MYO3A: variants seen among roughly 807,000 people sequenced by gnomAD.
The protein encoded by MYO3A is myosin IIIA, also known as myosin-IIIa.
A neutral mutation model predicts 192.7 loss-of-function variants in MYO3A; 180 were observed. The ratio of observed to expected loss-of-function variants is 0.93; its 90% CI spans 0.83 to 1.06. The LOEUF (loss-of-function observed/expected upper bound fraction) is 1.06. Among genes scored for constraint, MYO3A ranks in the 50% least tolerant of loss-of-function variants. The pLI is 0.00. For missense variants in MYO3A, 1,896 were observed against 1,905.0 expected (o/e 1.00, Z 0.09); for synonymous variants, 628 against 645.3 (o/e 0.97, Z 0.41).
intron 6 of MYO3A, among the ~76,000 whole-genome samples, chr10:25,999,120 G>A (rs1840628510): frequency 1.3e-5 from 2 of 151,960 alleles, no homozygotes; most frequent in Admixed American, 6.6e-5. Flanking sequence ...GGATGGTCTC[G>A]ATCTCCTGAC....
chr10:26,012,625 T>C (rs1841737405), intron 6 of MYO3A, among the ~76,000 whole-genome samples: 1 of 152,174 alleles, frequency 6.6e-6, no homozygotes, highest in South Asian at 2.1e-4. Flanking sequence ...CCCATCCTCA[T>C]GGATTGGAAG....
rs754117366 is a variant in MYO3A at position 26,173,828 on chromosome 10, T to C, written c.3564T>C (p.Thr1188=). 6.2e-7 allele frequency: 1 copy of C among 1,613,894 alleles called. No individual in the cohort carries two copies. The highest frequency in any genetic ancestry group is 1.1e-5 in the South Asian group (1 of 91,086). The change falls in exon 30 of 35, where the codon ACT becomes ACC. Residue 1188 remains threonine (T), a synonymous_variant. Coordinates refer to ENST00000642920, the MANE Select transcript of MYO3A (RefSeq NM_017433.5). ...AGAGTAACAACAGAGTGTATCAGAC[T>C]CCAAAAAAAATGAATAATGTGTATG... ...AVESNNRVYQ[T]PKKMNNVYEE...
intron 31 of MYO3A, among the ~76,000 whole-genome samples, chr10:26,177,276 C>T (rs1203576273): frequency 6.6e-6 from 1 of 152,096 alleles, no homozygotes; most frequent in Non-Finnish European, 1.5e-5. Flanking sequence ...TGTTATTGAA[C>T]TTTTTTCTAG....
Position 26,072,076 on chromosome 10 carries a change from GAGA to G in MYO3A, c.1359+1678_1359+1680del, listed in dbSNP as rs375897690. On this transcript the variant is annotated intron_variant, in intron 14 of 34. Transcript: ENST00000642920. ...ATGGCAGCAGGAGAGAGAACAGTGAGAGAAGGAGGAACTTGCCCAACACTTATG... is the reference window on the plus strand; with the variant it reads ...ATGGCAGCAGGAGAGAGAACAGTGAGAGGAGGAACTTGCCCAACACTTATG... Among the ~76,000 whole-genome samples the G allele has an allele frequency of 1.9e-4, 29 of 152,228 alleles. No homozygotes were observed. The East Asian group carries it at 3.7e-3, about 19-fold the overall frequency.
rs1840407120 is a variant in MYO3A at position 26,145,471 on chromosome 10, A to C, written c.2442A>C (p.Ser814=). The change falls in exon 22 of 35, where the codon TCA becomes TCC. Residue 814 remains serine (S), a synonymous_variant. Coordinates refer to ENST00000642920, the MANE Select transcript of MYO3A (RefSeq NM_017433.5). ...LVEKFEGNLK[S]QYFWRPKRME... ...AAAAATTTGAAGGTAACCTGAAATC[A>C]CAATACTTCTGGAGACCCAAAAGAA... 1.2e-6 allele frequency: 2 copies of C among 1,609,050 alleles called. No homozygotes were observed. Among genetic ancestry groups the C allele is most frequent in the Non-Finnish European group, 8.5e-7 (1 of 1,175,432 alleles).
chr10:26,199,998 T>TAA (rs1843609740), intron 32 of MYO3A, among the ~76,000 whole-genome samples: 2 of 152,184 alleles, frequency 1.3e-5, no homozygotes, highest in African/African-American at 4.8e-5. Context: ...GTGGCCACTG[T>TAA]TCCTATGCAG....
At chr10:26,004,656 C>T (rs1189447594) in intron 6 of MYO3A, among the ~76,000 whole-genome samples, 1 of 151,966 alleles carries the variant, frequency 6.6e-6, no homozygotes, top group Non-Finnish European at 1.5e-5. Flanking sequence ...ACTTACTGTG[C>T]CCTCCAAATA....
chr10:26,118,354 G>C (rs1479056443), intron 17 of MYO3A, among the ~76,000 whole-genome samples: 1 of 152,140 alleles, frequency 6.6e-6, no homozygotes, highest in Non-Finnish European at 1.5e-5. Flanking sequence ...TTAGAAAAAT[G>C]ATCTACATCT....
At chr10:26,047,855 G>A (rs552294815) in intron 10 of MYO3A, among the ~76,000 whole-genome samples, 25 of 151,930 alleles carry the variant, frequency 1.6e-4, no homozygotes, top group South Asian at 6.2e-4. Context: ...ATAGGAGGCC[G>A]GACACTGAGT....
In MYO3A at chr10:26,174,031, C is replaced by T; in HGVS notation, c.3767C>T (p.Ala1256Val). 6.2e-7 allele frequency: 1 copy of T among 1,613,122 alleles called. No individual in the cohort carries two copies. Among genetic ancestry groups the T allele is most frequent in the East Asian group, 2.2e-5 (1 of 44,872 alleles). ...AGGAATTGTGAAGAGTCAAAAGCAG[C>T]ATATCTAGAAAGGAAGGCCATATCA... ...EERNCEESKA[A>V]YLERKAISER... Residue 1256 changes from alanine (A) to valine (V), a missense_variant, in exon 30 of 35, where the codon GCA (alanine) becomes GTA (valine). By Grantham distance (64) the Ala-to-Val change is moderately conservative. Transcript: ENST00000642920.
chr10:26,086,983 G>GGT (rs955559220), intron 14 of MYO3A, among the ~76,000 whole-genome samples: 6 of 112,026 alleles, frequency 5.4e-5, no homozygotes, highest in Non-Finnish European at 8.7e-5. Context: ...ATTGGGGATA[G>GGT]GTATATATAT....
At position 26,125,459 on chromosome 10, in the gene MYO3A, G is replaced by A. The variant is rs923064110; in HGVS notation, c.1965G>A (p.Val655=). The change falls in exon 19 of 35, where the codon GTG becomes GTA. Residue 655 remains valine, a synonymous_variant. Transcript: ENST00000642920. ...AAGAAGCTCTCACCTCCCACTGTGT[G>A]GTCACTAGAGGAGAAACAATTATAC... ...ELQEALTSHC[V]VTRGETIIRP... The A allele has an allele frequency of 6.2e-7, 1 of 1,613,862 alleles. No homozygotes were observed. Among genetic ancestry groups the A allele is most frequent in the Non-Finnish European group, 8.5e-7 (1 of 1,179,936 alleles).
At chr10:26,176,439 G>A (rs1402183417) in intron 30 of MYO3A, among the ~76,000 whole-genome samples, 3 of 152,180 alleles carry the variant, frequency 2.0e-5, no homozygotes, top group Non-Finnish European at 2.9e-5. Context: ...GGAAGGAGTC[G>A]ATCAGAACAG....
intron 18 of MYO3A, among the ~76,000 whole-genome samples, chr10:26,121,790 A>T (rs1276609891): frequency 6.6e-6 from 1 of 152,076 alleles, no homozygotes; most frequent in Non-Finnish European, 1.5e-5. Flanking sequence ...CATGATACAA[A>T]TTTTTATTTA....
At chr10:26,145,383 T>A in intron 21 of MYO3A, 63 bp from the exon 22 acceptor site, 2 of 1,141,018 alleles carry the variant, frequency 1.8e-6, no homozygotes, top group Non-Finnish European at 2.7e-6. Context: ...GGTAAATAAT[T>A]TTCGCAGTAT....
chr10:26,071,575 C>T (rs1564519547), intron 14 of MYO3A, among the ~76,000 whole-genome samples: 1 of 151,852 alleles, frequency 6.6e-6, no homozygotes, highest in Non-Finnish European at 1.5e-5. Context: ...GACACTGTTA[C>T]AAAAATGAAA....
chr10:25,988,960 T>TA (rs1554795793), intron 4 of MYO3A, among the ~76,000 whole-genome samples: 20 of 131,376 alleles, frequency 1.5e-4, no homozygotes, highest in Non-Finnish European at 2.8e-4. Flanking sequence ...TTTTTTTTTT[T>TA]ACTTTTTTTT....
chr10:26,197,684 C>T (rs994695310), intron 32 of MYO3A, among the ~76,000 whole-genome samples: 16 of 152,196 alleles, frequency 1.1e-4, no homozygotes, highest in African/African-American at 3.4e-4. Context: ...CTGCCTTAGC[C>T]TCCCAAGTAG....
chr10:26,136,254 T>C (rs992974813), intron 20 of MYO3A, among the ~76,000 whole-genome samples: 1 of 152,202 alleles, frequency 6.6e-6, no homozygotes, highest in African/African-American at 2.4e-5. Context: ...GATACTGATT[T>C]ATGACTTGAA....
Sources: allele counts gnomAD v4.1 joint callset (sites outside exome capture counted in the v4.1 genomes callset), GRCh38; gene constraint gnomAD v4.1.1; transcripts MANE v1.5; gene names NCBI Gene and HGNC (gene_info 2026-07-23, HGNC 2026-07-21).